Variants in EIF4E3 observed in about 807,000 individuals in gnomAD.
EIF4E3 encodes the protein eukaryotic translation initiation factor 4E type 3.
In EIF4E3, 26 loss-of-function variants were observed where a neutral mutation model predicts 31.7. The observed-to-expected ratio is 0.82, with a 90% CI of 0.60 to 1.14. EIF4E3 has a LOEUF of 1.14. Ranked by LOEUF, EIF4E3 falls within the 50% of genes most tolerant of loss-of-function variation. EIF4E3 has a pLI of 0.00. For synonymous variants in EIF4E3, 128 were observed against 107.7 expected (o/e 1.19, Z -1.17); for missense variants, 304 against 270.9 (o/e 1.12, Z -0.86).
intron 2 of EIF4E3, among the ~76,000 whole-genome samples, chr3:71,705,679 T>C (rs2049282778): frequency 6.6e-6 from 1 of 152,326 alleles, no homozygotes. Flanking sequence ...TTTAGTCTTG[T>C]AGCAGATAAG....
Position 71,738,942 on chromosome 3 carries a change from G to T in EIF4E3, c.-290-10319C>A, listed in dbSNP as rs1476722231. Among the ~76,000 whole-genome samples the T allele has an allele frequency of 7.9e-5, 10 of 126,852 alleles. No homozygotes were observed. In the East Asian group the frequency reaches 2.4e-3, roughly 30 times the overall value. The allele number at this position is 126,852 out of a possible 152,430, so 83.2% of individuals were successfully genotyped here. Reference sequence around the variant, plus strand: ...GTAAAATAAATCAATACCAGAAAAAGAACCAGAAAATTTCCAAATGCCTGA... The same window carrying T: ...GTAAAATAAATCAATACCAGAAAAATAACCAGAAAATTTCCAAATGCCTGA... On this transcript the variant is annotated intron_variant, in intron 1 of 7. Transcript: ENST00000295612.
At chr3:71,704,798 T>C (rs13098806) in intron 2 of EIF4E3, among the ~76,000 whole-genome samples, 10,117 of 152,260 alleles carry the variant, frequency 0.066, 528 homozygotes, top group African/African-American at 0.15. Context: ...AGTTTCACAG[T>C]TGAAGTGACT....
At chr3:71,726,667 T>C (rs1427999115), upstream of EIF4E3, among the ~76,000 whole-genome samples, 1 of 152,320 alleles carries the variant, frequency 6.6e-6, no homozygotes, top group South Asian at 2.1e-4. Context: ...AACAGCATCA[T>C]AGCAGACTGT....
Position 71,684,632 on chromosome 3 carries a change from C to G in EIF4E3, c.*50G>C. 1 of 1,609,478 alleles carries G rather than the reference C, an allele frequency of 6.2e-7. No individual in the cohort carries two copies. Among genetic ancestry groups the G allele is most frequent in the Non-Finnish European group, 8.5e-7 (1 of 1,176,782 alleles). Reference sequence around the variant, plus strand: ...TCTTCACTCTCCCTCCTGTTAAGACCGTTTCCAAAACCAATCAGCAAAGGA... The same window carrying G: ...TCTTCACTCTCCCTCCTGTTAAGACGGTTTCCAAAACCAATCAGCAAAGGA... On this transcript the variant is annotated 3_prime_UTR_variant, in exon 7 of 7. Coordinates refer to ENST00000425534, the MANE Select transcript of EIF4E3 (RefSeq NM_001134651.2).
At chr3:71,661,010 C>A in the EIF4E3 span, among the ~76,000 whole-genome samples, 1 of 152,082 alleles carries the variant, frequency 6.6e-6, no homozygotes, top group African/African-American at 2.4e-5. Flanking sequence ...GGGGCACTGG[C>A]AGGGATGCGA....
At chr3:71,740,098 A>G (rs559814007) in intron 1 of EIF4E3, among the ~76,000 whole-genome samples, 5 of 152,122 alleles carry the variant, frequency 3.3e-5, no homozygotes, top group African/African-American at 1.2e-4. Context: ...ATTATAACTA[A>G]TAATCCAACA....
At chr3:71,720,329 G>A (rs1486511712) in intron 1 of EIF4E3, among the ~76,000 whole-genome samples, 1 of 151,962 alleles carries the variant, frequency 6.6e-6, no homozygotes, top group Non-Finnish European at 1.5e-5. Flanking sequence ...CCAAGTAGCT[G>A]GGACTACAGG....
chr3:71,717,426 T>C (rs1354510142), intron 1 of EIF4E3, among the ~76,000 whole-genome samples: 3 of 152,224 alleles, frequency 2.0e-5, no homozygotes, highest in African/African-American at 4.8e-5. Flanking sequence ...GTTATCCTTA[T>C]ATGTGAAGGA....
chr3:71,677,491 G>A lies in EIF4E3; in HGVS notation c.*7191C>T, dbSNP rs934016822. On this transcript the variant is annotated 3_prime_UTR_variant, in exon 7 of 7. Coordinates refer to ENST00000425534, the MANE Select transcript of EIF4E3 (RefSeq NM_001134651.2). ...AGGAACCTATGCTAATAGAACAACC[G>A]AGAACACATTCCAAAAAGTGCATCA... is the stretch of plus-strand genomic sequence containing the variant. 2.0e-5 allele frequency: 3 copies of A among 152,196 alleles called. No homozygotes were observed. The highest frequency in any genetic ancestry group is 6.5e-5 in the Admixed American group (1 of 15,288). 9.4% of individuals were successfully genotyped at this position (152,196 alleles called of 1,614,324 possible). A position where few individuals can be genotyped will look rare whatever the true frequency, so the allele number is the denominator to read the frequency against.
chr3:71,703,211 T>C lies in EIF4E3; in HGVS notation c.250-3503A>G, dbSNP rs193088039. ...TGACCATCAGTTGTGAACAGAGCACTGTGACGGGTCCTTGGGGAACTTAGC... is the reference window on the plus strand; with the variant it reads ...TGACCATCAGTTGTGAACAGAGCACCGTGACGGGTCCTTGGGGAACTTAGC... On this transcript the variant is annotated intron_variant, in intron 2 of 6. Coordinates refer to ENST00000425534, the MANE Select transcript of EIF4E3 (RefSeq NM_001134651.2). Among the ~76,000 whole-genome samples, 5 of 152,354 alleles carry C rather than the reference T, an allele frequency of 3.3e-5. No homozygotes were observed. The East Asian group carries it at 9.6e-4, about 29-fold the overall frequency.
chr3:71,754,544 C>G (rs531462411), upstream of EIF4E3: 252 of 1,349,584 alleles, frequency 1.9e-4, no homozygotes, highest in African/African-American at 3.7e-3. The surrounding 1 kb of genome is among the most constrained non-coding windows in gnomAD (Gnocchi z 5.8). Context: ...GCGGTGGCGA[C>G]GACGAGGACG....
intron 1 of EIF4E3, among the ~76,000 whole-genome samples, chr3:71,740,523 C>T (rs948682061): frequency 1.3e-5 from 2 of 152,174 alleles, no homozygotes; most frequent in African/African-American, 4.8e-5. Flanking sequence ...CGTTTGAGTC[C>T]AGGAGTTTGC....
intron 1 of EIF4E3, among the ~76,000 whole-genome samples, chr3:71,719,023 G>A (rs1277872982): frequency 1.3e-5 from 2 of 152,130 alleles, no homozygotes; most frequent in African/African-American, 4.8e-5. Flanking sequence ...GATGACTTTG[G>A]GGTCCCTTTT....
At chr3:71,722,948 T>G (rs1451447367) in intron 1 of EIF4E3, among the ~76,000 whole-genome samples, 2 of 152,240 alleles carry the variant, frequency 1.3e-5, no homozygotes, top group African/African-American at 2.4e-5. Flanking sequence ...CTATCCCATT[T>G]TACAATGAAA....
At chr3:71,752,512 T>C (rs1202543791) in intron 1 of EIF4E3, among the ~76,000 whole-genome samples, 4 of 152,126 alleles carry the variant, frequency 2.6e-5, no homozygotes, top group Non-Finnish European at 4.4e-5. Context: ...GGTGCCTGCC[T>C]TGCATGTAAT....
chr3:71,718,306 G>A (rs994244946), intron 1 of EIF4E3, among the ~76,000 whole-genome samples: 1 of 152,178 alleles, frequency 6.6e-6, no homozygotes, highest in Non-Finnish European at 1.5e-5. Flanking sequence ...ATCAAGAGTC[G>A]CATACAAAAA....
intron 1 of EIF4E3, among the ~76,000 whole-genome samples, chr3:71,712,479 C>G (rs985686618): frequency 6.6e-6 from 1 of 152,028 alleles, no homozygotes; most frequent in Non-Finnish European, 1.5e-5. Context: ...AGACTGTTAG[C>G]ATGAAAAATC....
At chr3:71,667,561 G>A in the EIF4E3 span, among the ~76,000 whole-genome samples, 1 of 152,116 alleles carries the variant, frequency 6.6e-6, no homozygotes, top group African/African-American at 2.4e-5. Context: ...AAAGTCCCAG[G>A]ATACAAAATC....
intron 1 of EIF4E3, among the ~76,000 whole-genome samples, chr3:71,750,113 A>G (rs2049911710): frequency 6.6e-6 from 1 of 152,222 alleles, no homozygotes; most frequent in Admixed American, 6.5e-5. Flanking sequence ...GAAAATTTTA[A>G]GTTATAAGGA....
Sources: allele counts gnomAD v4.1 joint callset (sites outside exome capture counted in the v4.1 genomes callset), GRCh38; gene constraint gnomAD v4.1.1; non-coding constraint Gnocchi (gnomAD v3.1); transcripts MANE v1.5; gene names NCBI Gene and HGNC (gene_info 2026-07-23, HGNC 2026-07-21).